The following PCDHGA9 variants were observed in gnomAD, a reference collection of about 807,000 sequenced individuals.
PCDHGA9 encodes protocadherin gamma-A9.
Under a neutral mutation model 62.5 loss-of-function variants are expected in PCDHGA9, and 37 were observed. The ratio of observed to expected loss-of-function variants is 0.59; its 90% CI spans 0.46 to 0.78. The LOEUF (loss-of-function observed/expected upper bound fraction) is 0.78, where lower values mean the gene tolerates loss of function less well. PCDHGA9 is among the 30% of genes least tolerant of loss of function. The probability of loss-of-function intolerance (pLI) is 0.00; values close to 1 mark genes in which losing one functional copy is unlikely to be tolerated. For missense variants in PCDHGA9, 1,138 were observed against 1,166.2 expected, an observed-to-expected ratio of 0.98 and a Z score of 0.35; for synonymous variants, 459 against 484.6, an observed-to-expected ratio of 0.95 and a Z score of 0.69.
intron 1 of PCDHGA9, chr5:141,419,186 A>G: frequency 1.2e-6 from 2 of 1,613,940 alleles, no homozygotes; most frequent in Non-Finnish European, 1.7e-6. Context: ...CCTGCACATT[A>G]CTGACGTCAA....
chr5:141,478,372 G>A (rs778468803), intron 1 of PCDHGA9: 2 of 1,613,704 alleles, frequency 1.2e-6, no homozygotes, highest in Non-Finnish European at 8.5e-7. Flanking sequence ...GAGGCCTGAT[G>A]TCGCCGCACC....
chr5:141,490,419 G>T lies in PCDHGA9; in HGVS notation c.2425-4388G>T, dbSNP rs1424302713. ...TGAGCCTTGATATCTCTCCGGACCT[G>T]CCATTTCAGATTAAGCCTTCTGAGA... is the stretch of plus-strand genomic sequence containing the variant. On this transcript the variant is annotated intron_variant, in intron 1 of 3. Transcript: ENST00000573521. The surrounding 1 kb of genome is among the most constrained non-coding windows in gnomAD (Gnocchi z 5.4). The T allele has an allele frequency of 6.2e-7, 1 of 1,614,170 alleles. No homozygotes were observed. The highest frequency in any genetic ancestry group is 8.5e-7 in the Non-Finnish European group (1 of 1,180,020).
At chr5:141,428,618 T>C (rs554092834) in intron 1 of PCDHGA9, 1 of 206,012 alleles carries the variant, frequency 4.9e-6, no homozygotes, top group African/African-American at 2.3e-5. Context: ...AATAACAAGA[T>C]AAGCTCTAAC....
intron 1 of PCDHGA9, chr5:141,415,390 G>A (rs1191160575): frequency 1.2e-6 from 2 of 1,614,224 alleles, no homozygotes; most frequent in South Asian, 2.2e-5. Flanking sequence ...CTTGACAGGT[G>A]TGTCCGGCTC....
intron 1 of PCDHGA9, chr5:141,408,952 T>C (rs531696982): frequency 6.2e-7 from 1 of 1,613,544 alleles, no homozygotes; most frequent in African/African-American, 1.3e-5. Context: ...ATAGAATTAG[T>C]CTTAGTGAAA....
At chr5:141,506,487 G>A (rs1265051912) in intron 3 of PCDHGA9, among the ~76,000 whole-genome samples, 3 of 150,464 alleles carry the variant, frequency 2.0e-5, no homozygotes, top group Non-Finnish European at 4.4e-5. Flanking sequence ...TTAGAGGCAG[G>A]CCAATCTGGA....
chr5:141,447,885 A>T (rs2098554278), intron 1 of PCDHGA9, among the ~76,000 whole-genome samples: 1 of 152,134 alleles, frequency 6.6e-6, no homozygotes, highest in Admixed American at 6.6e-5. Context: ...CAGGAGTTCG[A>T]GACCAGCCTG....
At chr5:141,409,034 AACT>A in intron 1 of PCDHGA9, 6 of 1,613,992 alleles carry the variant, frequency 3.7e-6, no homozygotes, top group Non-Finnish European at 4.2e-6. Flanking sequence ...TGCTGAGATA[AACT>A]ACTACTTCCG....
In PCDHGA9 at chr5:141,486,077, C is replaced by T; in HGVS notation, c.2425-8730C>T. 6.2e-7 allele frequency: 1 copy of T among 1,614,186 alleles called. No individual in the cohort carries two copies. The highest frequency in any genetic ancestry group is 8.5e-7 in the Non-Finnish European group (1 of 1,180,024). ...TAGCCTGCACCCCACTACTGGAAAG[C>T]TTACTCTTTTGGGGCCCCTAGACTT... On this transcript the variant is annotated intron_variant, in intron 1 of 3. Coordinates refer to ENST00000573521, the MANE Select transcript of PCDHGA9 (RefSeq NM_018921.3). The surrounding 1 kb of genome is among the most constrained non-coding windows in gnomAD (Gnocchi z 5.0).
chr5:141,414,255 G>A (rs776584940), intron 1 of PCDHGA9: 12 of 1,613,350 alleles, frequency 7.4e-6, no homozygotes, highest in Non-Finnish European at 1.0e-5. Flanking sequence ...TTAGTCCAGT[G>A]ACTGAAGATT....
chr5:141,475,768 G>A (rs756539564), intron 1 of PCDHGA9, among the ~76,000 whole-genome samples: 5 of 152,280 alleles, frequency 3.3e-5, no homozygotes, highest in South Asian at 2.1e-4. Flanking sequence ...TACTGGCAAG[G>A]CGCTTTGGCT....
In PCDHGA9 at chr5:141,432,017, A is replaced by G. The variant is rs372826902; in HGVS notation, c.2424+26641A>G. The stretch of plus-strand genomic sequence containing the variant: ...TAGGGAACAGGTTCCTAGCTACAAC[A>G]TCACAGTGACCGCCACTGACCGGGG... On this transcript the variant is annotated intron_variant, in intron 1 of 3. Coordinates refer to ENST00000573521, the MANE Select transcript of PCDHGA9 (RefSeq NM_018921.3). This position sits in a 1 kb window ranked among gnomAD's most constrained non-coding sequence, Gnocchi z 6.0. The G allele has an allele frequency of 6.2e-7, 1 of 1,614,224 alleles. No individual in the cohort carries two copies. Among genetic ancestry groups the G allele is most frequent in the Non-Finnish European group, 8.5e-7 (1 of 1,180,038 alleles).
chr5:141,477,845 GT>G lies in PCDHGA9; in HGVS notation c.2425-16961del, dbSNP rs1562065234. ...ATATCCTCGGCCAGGTGGGAGCTCG[GT>G]GGAGATGCTGCCTCGAGGTACCTCA... is the stretch of plus-strand genomic sequence containing the variant. On this transcript the variant is annotated intron_variant, in intron 1 of 3. Coordinates refer to ENST00000573521, the MANE Select transcript of PCDHGA9 (RefSeq NM_018921.3). This position sits in a 1 kb window ranked among gnomAD's most constrained non-coding sequence, Gnocchi z 4.9. 1 of 1,614,038 alleles carries G rather than the reference GT, an allele frequency of 6.2e-7. No homozygotes were observed. Among genetic ancestry groups the G allele is most frequent in the East Asian group, 2.2e-5 (1 of 44,896 alleles).
chr5:141,497,005 A>T (rs1249733879), intron 2 of PCDHGA9, among the ~76,000 whole-genome samples: 1 of 152,134 alleles, frequency 6.6e-6, no homozygotes, highest in Non-Finnish European at 1.5e-5. Context: ...GGCAGCCAAC[A>T]TGGTGAAACC....
At chr5:141,409,217 G>A (rs1394491727) in intron 1 of PCDHGA9, 1 of 1,613,852 alleles carries the variant, frequency 6.2e-7, no homozygotes, top group Non-Finnish European at 8.5e-7. Context: ...AGAAATCCTT[G>A]ATGAAAACGA....
chr5:141,414,588 G>A, intron 1 of PCDHGA9: 1 of 1,613,872 alleles, frequency 6.2e-7, no homozygotes, highest in Non-Finnish European at 8.5e-7. Flanking sequence ...ACAACGCCAG[G>A]GGTGCCTCCA....
intron 1 of PCDHGA9, chr5:141,415,006 C>A (rs1353721901): frequency 6.2e-7 from 1 of 1,613,652 alleles, no homozygotes; most frequent in Non-Finnish European, 8.5e-7. Context: ...GCTGTCCTAC[C>A]GTCTGCTCAA....
chr5:141,489,257 T>C lies in PCDHGA9; in HGVS notation c.2425-5550T>C, dbSNP rs2099684606. 5.8e-6 allele frequency: 9 copies of C among 1,550,190 alleles called. No homozygotes were observed. The highest frequency in any genetic ancestry group is 1.4e-5 in the African/African-American group (1 of 73,054). On this transcript the variant is annotated intron_variant, in intron 1 of 3. Transcript: ENST00000573521. This position sits in a 1 kb window ranked among gnomAD's most constrained non-coding sequence, Gnocchi z 4.5. Reference sequence around the variant, plus strand: ...TTCTGGGTCATGGGGCCCAAGACACTCCCACAGCTCGCTGGGAAATGGCAA... The same window carrying C: ...TTCTGGGTCATGGGGCCCAAGACACCCCCACAGCTCGCTGGGAAATGGCAA...
At chr5:141,442,417 T>A (rs2098323611) in intron 1 of PCDHGA9, 1 of 152,152 alleles carries the variant, frequency 6.6e-6, no homozygotes, top group Non-Finnish European at 1.5e-5. Flanking sequence ...TGAGTGAACT[T>A]CTTTTTTGAA....
Sources: gnomAD v4.1 joint callset for allele counts (sites outside exome capture counted in the v4.1 genomes callset) on GRCh38, gnomAD v4.1.1 for gene constraint, Gnocchi (gnomAD v3.1) non-coding constraint, MANE v1.5 for transcripts, NCBI Gene and HGNC (gene_info 2026-07-23, HGNC 2026-07-21) for gene names.